Variants in PDGFRB observed in about 807,000 individuals in gnomAD.
PDGFRB encodes platelet derived growth factor receptor beta.
A neutral mutation model predicts 120.2 loss-of-function variants in PDGFRB; 42 were observed. The observed-to-expected ratio is 0.35, with a 90% CI of 0.27 to 0.45. PDGFRB has a LOEUF of 0.45. Among genes scored for constraint, PDGFRB ranks in the 20% least tolerant of loss-of-function variants. The pLI, the probability that PDGFRB is intolerant of heterozygous loss-of-function variation, is 1.00. For missense variants in PDGFRB, 1,149 were observed against 1,476.3 expected, an observed-to-expected ratio of 0.78 and a Z score of 3.63; for synonymous variants, 586 against 606.8, an observed-to-expected ratio of 0.97 and a Z score of 0.50.
intron 10 of PDGFRB, among the ~76,000 whole-genome samples, 190 bp downstream of exon 10, chr5:150,129,567 G>A (rs762393728): frequency 1.2e-4 from 18 of 152,336 alleles, no homozygotes; most frequent in Non-Finnish European, 2.4e-4. Context: ...GTTTGTACAC[G>A]TGTGTACCCA....
chr5:150,138,831 G>T (rs1167233467), intron 1 of PDGFRB, among the ~76,000 whole-genome samples: 1 of 152,260 alleles, frequency 6.6e-6, no homozygotes, highest in Non-Finnish European at 1.5e-5. Flanking sequence ...CTCAGCCAAA[G>T]AAAATCATTA....
chr5:150,119,883 C>T, intron 19 of PDGFRB, 129 bp downstream of exon 19: 1 of 678,206 alleles, frequency 1.5e-6, no homozygotes, highest in Non-Finnish European at 2.7e-6. Flanking sequence ...GAGAAGGTAG[C>T]AGAGCTGGGA....
At chr5:150,136,833 G>C (rs897594606) in intron 2 of PDGFRB, among the ~76,000 whole-genome samples, 175 bp downstream of exon 2, 1 of 152,186 alleles carries the variant, frequency 6.6e-6, no homozygotes, top group African/African-American at 2.4e-5. Flanking sequence ...GAGCTGAAGG[G>C]CTGGCAGCTG....
At position 150,118,005 on chromosome 5, in the gene PDGFRB, C is replaced by T. The variant is rs538866120; in HGVS notation, c.2905-155G>A. 2.1e-4 allele frequency among the ~76,000 whole-genome samples: 32 copies of T among 152,246 alleles called. 1 individual carries two copies. The South Asian group carries it at 6.6e-3, about 32-fold the overall frequency. On this transcript the variant is annotated intron_variant, in intron 21 of 22. Transcript: ENST00000261799. Reference sequence around the variant, plus strand: ...TGCCCAAGCCACATGGTTGAGCTGCCCTCCTACCTCACATAGAATCTTACA... The same window carrying T: ...TGCCCAAGCCACATGGTTGAGCTGCTCTCCTACCTCACATAGAATCTTACA...
At chr5:150,150,310 C>A (rs906497801) in intron 1 of PDGFRB, among the ~76,000 whole-genome samples, 1 of 152,168 alleles carries the variant, frequency 6.6e-6, no homozygotes, top group Non-Finnish European at 1.5e-5. Flanking sequence ...CTCTCTGGAC[C>A]TTAGTTCCCA....
In PDGFRB at chr5:150,132,582, T is replaced by C. The variant is rs1760496702; in HGVS notation, c.1127+168A>G. Among the ~76,000 whole-genome samples the C allele has an allele frequency of 6.6e-6, 1 of 152,362 alleles. No homozygotes were observed. The highest frequency in any genetic ancestry group is 1.5e-5 in the Non-Finnish European group (1 of 68,042). On this transcript the variant is annotated intron_variant, in intron 7 of 22. Coordinates refer to ENST00000261799, the MANE Select transcript of PDGFRB (RefSeq NM_002609.4). The surrounding 1 kb of genome is among the most constrained non-coding windows in gnomAD (Gnocchi z 5.0). Reference sequence around the variant, plus strand: ...CTGTTTCCTCCACTAGACTAGAAACTCTAGGAGGGATGAACTGTCAGCTCT... The same window carrying C: ...CTGTTTCCTCCACTAGACTAGAAACCCTAGGAGGGATGAACTGTCAGCTCT...
intron 1 of PDGFRB, among the ~76,000 whole-genome samples, chr5:150,148,306 C>G (rs1760980019): frequency 6.6e-6 from 1 of 152,248 alleles, no homozygotes; most frequent in African/African-American, 2.4e-5. Context: ...GGAATTAGGC[C>G]TACAGTAGGT....
Position 150,120,043 on chromosome 5 carries a change from G to A in PDGFRB, c.2667C>T (p.Phe889=), listed in dbSNP as rs527843077. The change falls in exon 19 of 23, where the codon TTC becomes TTT. Residue 889 remains phenylalanine (F), a synonymous_variant. Coordinates refer to ENST00000261799, the MANE Select transcript of PDGFRB (RefSeq NM_002609.4). This position sits in a 1 kb window ranked among gnomAD's most constrained non-coding sequence, Gnocchi z 4.3. ...LYTTLSDVWS[F]GILLWEIFTL... ...TGAAGATCTCCCAGAGCAGGATCCCGAAGGACCACACGTCGCTCAGGGTGG... is the reference window on the plus strand; with the variant it reads ...TGAAGATCTCCCAGAGCAGGATCCCAAAGGACCACACGTCGCTCAGGGTGG... The A allele has an allele frequency of 3.1e-5, 49 of 1,598,834 alleles. No homozygotes were observed. Among genetic ancestry groups the A allele is most frequent in the East Asian group, 4.5e-5 (2 of 44,750 alleles).
chr5:150,146,552 C>CT (rs1562026776), intron 1 of PDGFRB, among the ~76,000 whole-genome samples: 1 of 152,000 alleles, frequency 6.6e-6, no homozygotes, highest in Non-Finnish European at 1.5e-5. Flanking sequence ...TATATTCTTT[C>CT]TTTTTTTTAG....
At position 150,135,865 on chromosome 5, in the gene PDGFRB, C is replaced by G; in HGVS notation, c.54G>C (p.Leu18Phe). ...GTTCCAGAAGTAACAGGAGAGACAG[C>G]AACAGCAGCTCGCCTTTGGGAGAGG... is the stretch of plus-strand genomic sequence containing the variant. Reference protein sequence around the residue: ...PALALKGELLLLSLLLLLEPQ... With the variant: ...PALALKGELLFLSLLLLLEPQ... The change falls in exon 3 of 23, where the codon TTG becomes TTC. Residue 18 changes from leucine (L) to phenylalanine (F), a missense_variant. Transcript: ENST00000261799. The G allele has an allele frequency of 3.3e-6, 5 of 1,525,852 alleles. No homozygotes were observed. In the South Asian group the frequency reaches 5.3e-5, roughly 16 times the overall value. The allele number at this position is 1,525,852 out of a possible 1,614,324, so 94.5% of individuals were successfully genotyped here.
chr5:150,143,009 G>A (rs1196915726), intron 1 of PDGFRB, among the ~76,000 whole-genome samples: 1 of 151,942 alleles, frequency 6.6e-6, no homozygotes, highest in Non-Finnish European at 1.5e-5. Context: ...CAGGTCATCT[G>A]CTCCAAGTGA....
At chr5:150,141,385 G>A (rs554973414) in intron 1 of PDGFRB, among the ~76,000 whole-genome samples, 3 of 152,358 alleles carry the variant, frequency 2.0e-5, no homozygotes, top group Non-Finnish European at 2.9e-5. Flanking sequence ...CATTTGGCAC[G>A]TATTGGCTCA....
chr5:150,120,959 G>A lies in PDGFRB; in HGVS notation c.2515C>T (p.Leu839=), dbSNP rs2113888904. The part of the protein sequence containing the change: ...ARNVLICEGK[L]VKICDFGLAR... ...AGGCCAAAGTCACAGATCTTGACCAGCTTGCCTTCACAGATGAGCACGTTC... is the reference window on the plus strand; with the variant it reads ...AGGCCAAAGTCACAGATCTTGACCAACTTGCCTTCACAGATGAGCACGTTC... Residue 839 remains leucine, a synonymous_variant, in exon 18 of 23, where the codon CTG becomes TTG. Coordinates refer to ENST00000261799, the MANE Select transcript of PDGFRB (RefSeq NM_002609.4). This position sits in a 1 kb window ranked among gnomAD's most constrained non-coding sequence, Gnocchi z 4.3. 1.2e-6 allele frequency: 2 copies of A among 1,613,750 alleles called. No homozygotes were observed. Among genetic ancestry groups the A allele is most frequent in the Middle Eastern group, 1.7e-4 (1 of 6,060 alleles).
intron 13 of PDGFRB, 162 bp from the exon 14 acceptor site, chr5:150,124,522 GT>G: frequency 1.6e-6 from 1 of 636,768 alleles, no homozygotes; most frequent in Middle Eastern, 3.6e-4. Context: ...AGAGGCCAGG[GT>G]AGGGGGAAGC....
At chr5:150,118,530 A>AGCTTCCAT (rs1483156452) in intron 21 of PDGFRB, among the ~76,000 whole-genome samples, 1 of 152,228 alleles carries the variant, frequency 6.6e-6, no homozygotes, top group African/African-American at 2.4e-5. Flanking sequence ...CTAATCGATC[A>AGCTTCCAT]GCTTCCATGT....
rs750248892 is a variant in PDGFRB, at chr5:150,129,950, C to T, written c.1386G>A (p.Pro462=). The stretch of plus-strand genomic sequence containing the variant: ...CGGAACTGTTCCCCAGCAGCGTGGG[C>T]GGCAGCTCACGTGGACACCTGCCAG... The part of the protein sequence containing the change: ...RDLKRCPREL[P]PTLLGNSSEE... The change falls in exon 10 of 23, where the codon CCG becomes CCA. Residue 462 remains proline (P), a synonymous_variant. Coordinates refer to ENST00000261799, the MANE Select transcript of PDGFRB (RefSeq NM_002609.4). The T allele has an allele frequency of 8.1e-6, 13 of 1,613,810 alleles. No homozygotes were observed. Among genetic ancestry groups the T allele is most frequent in the East Asian group, 2.2e-5 (1 of 44,882 alleles).
At chr5:150,119,296 G>A (rs1760058545) in intron 20 of PDGFRB, among the ~76,000 whole-genome samples, 171 bp downstream of exon 20, 1 of 143,264 alleles carries the variant, frequency 7.0e-6, no homozygotes, top group Admixed American at 6.9e-5. Context: ...CAGAGCTCAG[G>A]GCTAGAACAA....
rs1760439959 is a variant in PDGFRB, at chr5:150,130,669, G to A, written c.1244-7C>T. The A allele has an allele frequency of 6.2e-7, 1 of 1,612,760 alleles. No individual in the cohort carries two copies. Among genetic ancestry groups the A allele is most frequent in the Non-Finnish European group, 8.5e-7 (1 of 1,179,738 alleles). ...TCCAGCACTCGGACAGGGACTGCAT[G>A]GAGAGAGCACTGAGTTAGGAGGCGG... On this transcript the variant is annotated splice_region_variant and splice_polypyrimidine_tract_variant and intron_variant, in intron 8 of 22. Coordinates refer to ENST00000261799, the MANE Select transcript of PDGFRB (RefSeq NM_002609.4).
intron 1 of PDGFRB, among the ~76,000 whole-genome samples, chr5:150,139,555 G>C (rs1284647907): frequency 6.6e-6 from 1 of 152,148 alleles, no homozygotes; most frequent in Non-Finnish European, 1.5e-5. Context: ...TGAGGCTAGA[G>C]TCACATAAGA....
Sources: gnomAD v4.1 joint callset for allele counts (sites outside exome capture counted in the v4.1 genomes callset) on GRCh38, gnomAD v4.1.1 for gene constraint, Gnocchi (gnomAD v3.1) non-coding constraint, MANE v1.5 for transcripts, NCBI Gene and HGNC (gene_info 2026-07-23, HGNC 2026-07-21) for gene names.